LAMP3: variants seen among roughly 807,000 people sequenced by gnomAD.
The protein encoded by LAMP3 is lysosome-associated membrane glycoprotein 3.
In LAMP3, 26 loss-of-function variants were observed where a neutral mutation model predicts 34.8. The observed-to-expected ratio is 0.75, with a 90% CI of 0.55 to 1.04. The LOEUF (loss-of-function observed/expected upper bound fraction) is 1.04, where lower values mean the gene tolerates loss of function less well. Ranked by LOEUF, LAMP3 falls within the 50% of genes least tolerant of loss-of-function variation. LAMP3 has a pLI of 0.00. For missense variants in LAMP3, 495 were observed against 524.0 expected (o/e 0.94, Z 0.54); for synonymous variants, 180 against 201.9 (o/e 0.89, Z 0.92).
chr3:183,152,640 C>T, intron 2 of LAMP3, 137 bp from the exon 3 acceptor site: 1 of 699,482 alleles, frequency 1.4e-6, no homozygotes, highest in South Asian at 2.4e-5. Flanking sequence ...CCCCAGACAA[C>T]ACCTCTCGTT....
chr3:183,148,117 A>G (rs1720502379), intron 3 of LAMP3, among the ~76,000 whole-genome samples: 1 of 152,238 alleles, frequency 6.6e-6, no homozygotes, highest in South Asian at 2.1e-4. Context: ...GGGTATCTAT[A>G]TGCAGAACAA....
upstream of LAMP3, among the ~76,000 whole-genome samples, chr3:183,163,290 CTTTTGTTTTGTTTTG>C (rs142758488): frequency 6.8e-6 from 1 of 146,354 alleles, no homozygotes; most frequent in Non-Finnish European, 1.5e-5. Context: ...CTTTTTATTT[CTTTTGTTTTGTTTTG>C]TTTTGTTTTG....
chr3:183,126,804 A>G (rs1719791695), intron 5 of LAMP3, among the ~76,000 whole-genome samples: 1 of 152,146 alleles, frequency 6.6e-6, no homozygotes, highest in Admixed American at 6.5e-5. Context: ...AAATAGAAAT[A>G]CTTTTATTAA....
At chr3:183,145,455 A>G (rs1437002675) in intron 3 of LAMP3, among the ~76,000 whole-genome samples, 1 of 152,198 alleles carries the variant, frequency 6.6e-6, no homozygotes, top group Admixed American at 6.5e-5. Flanking sequence ...CAGCCTGTCC[A>G]TGGTCACAAA....
At chr3:183,162,256 C>A (rs142271351) in intron 1 of LAMP3, among the ~76,000 whole-genome samples, 80 of 152,204 alleles carry the variant, frequency 5.3e-4, no homozygotes, top group African/African-American at 1.8e-3. Context: ...CAGACCACAT[C>A]TGATGCAAGG....
At chr3:183,140,043 T>C (rs1720224607) in intron 4 of LAMP3, among the ~76,000 whole-genome samples, 1 of 152,122 alleles carries the variant, frequency 6.6e-6, no homozygotes, top group Non-Finnish European at 1.5e-5. Context: ...GATGGGCAAA[T>C]TACAGCACAC....
chr3:183,124,230 A>G lies in LAMP3; in HGVS notation c.1118-16T>C, dbSNP rs1340965836. The G allele has an allele frequency of 2.6e-6, 4 of 1,546,080 alleles. No individual in the cohort carries two copies. In the South Asian group the frequency reaches 5.0e-5, roughly 19 times the overall value. ...CACTCATCCACTAAGAGAGAAAACA[A>G]ATACAATACAGTGGGTAAGGTTTGG... On this transcript the variant is annotated splice_polypyrimidine_tract_variant and intron_variant, in intron 5 of 5. Coordinates refer to ENST00000265598, the MANE Select transcript of LAMP3 (RefSeq NM_014398.4).
At chr3:183,145,677 G>A (rs1003078494) in intron 3 of LAMP3, among the ~76,000 whole-genome samples, 1 of 152,124 alleles carries the variant, frequency 6.6e-6, no homozygotes, top group African/African-American at 2.4e-5. Flanking sequence ...CCAACATGGC[G>A]AAACCCCGTC....
At chr3:183,162,857 T>G, upstream of LAMP3, 1 of 528,918 alleles carries the variant, frequency 1.9e-6, no homozygotes, top group South Asian at 2.7e-5. Flanking sequence ...GGGCGGGGAC[T>G]CGGCGCAGCC....
chr3:183,138,949 C>T (rs1720186849), intron 4 of LAMP3, among the ~76,000 whole-genome samples: 1 of 152,126 alleles, frequency 6.6e-6, no homozygotes, highest in Non-Finnish European at 1.5e-5. Context: ...CTTCCCTAGG[C>T]CCAGATACCC....
At chr3:183,148,614 A>G (rs770349058) in intron 3 of LAMP3, among the ~76,000 whole-genome samples, 36 of 152,338 alleles carry the variant, frequency 2.4e-4, no homozygotes, top group Non-Finnish European at 4.9e-4. Flanking sequence ...CACTGATCAT[A>G]AGAGAAATGC....
rs547082898 is a variant in LAMP3 at position 183,124,071 on chromosome 3, C to T, written c.*10G>A. Reference sequence around the variant, plus strand: ...TAAATTCCATTATTTTCATTCCCCCCGGGCAACAATTAGATTCTCTGGTAT... The same window carrying T: ...TAAATTCCATTATTTTCATTCCCCCTGGGCAACAATTAGATTCTCTGGTAT... On this transcript the variant is annotated 3_prime_UTR_variant, in exon 6 of 6. Transcript: ENST00000265598. The T allele has an allele frequency of 7.9e-5, 127 of 1,613,726 alleles. No individual in the cohort carries two copies. Among genetic ancestry groups the T allele is most frequent in the Non-Finnish European group, 9.7e-5 (115 of 1,179,848 alleles).
chr3:183,135,509 C>T (rs1222457755), intron 5 of LAMP3, among the ~76,000 whole-genome samples: 2 of 152,116 alleles, frequency 1.3e-5, no homozygotes, highest in African/African-American at 4.8e-5. Flanking sequence ...GAGTGCAACC[C>T]GCTGCGGGAC....
At chr3:183,132,542 C>A (rs1162827984) in intron 5 of LAMP3, 1 of 985,274 alleles carries the variant, frequency 1.0e-6, no homozygotes, top group Admixed American at 6.2e-5. Context: ...ATGTCTCTGC[C>A]TATTGCCCCT....
rs567434217 is a variant in LAMP3, at chr3:183,160,711, AG to A, written c.49+1895del. Reference sequence around the variant, plus strand: ...TATAGGTAAGTAGATGTATGAGTAAAGCACATAGGTTAGCTGCTATGGGCAC... The same window carrying A: ...TATAGGTAAGTAGATGTATGAGTAAACACATAGGTTAGCTGCTATGGGCAC... On this transcript the variant is annotated intron_variant, in intron 1 of 5. Transcript: ENST00000265598. 378 of 152,322 alleles carry A rather than the reference AG, an allele frequency of 2.5e-3. 2 individuals are homozygous for A. Among genetic ancestry groups the A allele is most frequent in the African/African-American group, 8.6e-3 (358 of 41,566 alleles). The allele number at this position is 152,322 out of a possible 1,614,324, so 9.4% of individuals were successfully genotyped here.
intron 5 of LAMP3, among the ~76,000 whole-genome samples, chr3:183,127,694 C>A (rs1719814265): frequency 6.6e-6 from 1 of 152,114 alleles, no homozygotes; most frequent in South Asian, 2.1e-4. Context: ...GCCCACAGTG[C>A]CAGCAGCCGC....
chr3:183,140,060 G>A (rs999387800), intron 4 of LAMP3, among the ~76,000 whole-genome samples: 6 of 152,190 alleles, frequency 3.9e-5, no homozygotes, highest in Admixed American at 1.3e-4. Context: ...ACACAGAGGC[G>A]TAGTAAAGTC....
chr3:183,136,748 G>A (rs1435730136), intron 4 of LAMP3, among the ~76,000 whole-genome samples: 1 of 151,248 alleles, frequency 6.6e-6, no homozygotes, highest in African/African-American at 2.4e-5. Flanking sequence ...CCTTCTGATC[G>A]CCACCTGGGG....
chr3:183,153,859 T>C lies in LAMP3; in HGVS notation c.582A>G (p.Thr194=), dbSNP rs1242851409. The change falls in exon 2 of 6, where the codon ACA becomes ACG. Residue 194 remains threonine, a synonymous_variant. Transcript: ENST00000265598. ...KPVQPTHAPG[T]TAAAHNTTRT... is the part of the protein sequence containing the mutation. ...GGGTGGTATTGTGGGCAGCTGCCGTTGTTCCTGGGGCATGGGTGGGTTGAA... is the reference window on the plus strand; with the variant it reads ...GGGTGGTATTGTGGGCAGCTGCCGTCGTTCCTGGGGCATGGGTGGGTTGAA... 1.9e-6 allele frequency: 3 copies of C among 1,612,452 alleles called. No homozygotes were observed. Among genetic ancestry groups the C allele is most frequent in the South Asian group, 2.2e-5 (2 of 90,900 alleles).
Sources: allele counts gnomAD v4.1 joint callset (sites outside exome capture counted in the v4.1 genomes callset), GRCh38; gene constraint gnomAD v4.1.1; transcripts MANE v1.5; gene names NCBI Gene and HGNC (gene_info 2026-07-23, HGNC 2026-07-21).